NFASC: variants seen among roughly 807,000 people sequenced by gnomAD.
NFASC encodes the protein neurofascin homolog.
NFASC carries 43 observed loss-of-function variants against 147.5 expected under a neutral mutation model. The observed-to-expected ratio is 0.29, with a 90% CI of 0.23 to 0.38. The LOEUF is 0.38. NFASC is among the 10% of genes least tolerant of loss of function. The probability of loss-of-function intolerance (pLI) is 1.00; values close to 1 mark genes in which losing one functional copy is unlikely to be tolerated. For missense variants in NFASC, 1,320 were observed against 1,689.0 expected, an observed-to-expected ratio of 0.78 and a Z score of 3.83; for synonymous variants, 622 against 665.5, an observed-to-expected ratio of 0.93 and a Z score of 1.01.
chr1:204,893,920 A>G (rs763842258), intron 1 of NFASC, among the ~76,000 whole-genome samples: 1 of 152,268 alleles, frequency 6.6e-6, no homozygotes, highest in Non-Finnish European at 1.5e-5. Flanking sequence ...AACAACGCCC[A>G]GATAGCAGAG....
At chr1:204,830,424 A>G (rs1463238417) in intron 1 of NFASC, among the ~76,000 whole-genome samples, 1 of 152,066 alleles carries the variant, frequency 6.6e-6, no homozygotes, top group Non-Finnish European at 1.5e-5. Context: ...TGGTTTGGGG[A>G]TGATTGGATG....
chr1:204,843,620 C>A (rs1323258399), intron 1 of NFASC, among the ~76,000 whole-genome samples: 1 of 84,332 alleles, frequency 1.2e-5, no homozygotes, highest in African/African-American at 5.7e-5. Context: ...TCCTTCCTTC[C>A]TTCCTTCCTC....
At chr1:204,907,413 C>G (rs2149280173) in intron 1 of NFASC, among the ~76,000 whole-genome samples, 1 of 152,158 alleles carries the variant, frequency 6.6e-6, no homozygotes, top group South Asian at 2.1e-4. Context: ...TGTTTTCATC[C>G]TCTTAGTAAT....
chr1:204,962,278 A>C, intron 8 of NFASC: 3 of 829,360 alleles, frequency 3.6e-6, no homozygotes, highest in Non-Finnish European at 6.1e-6. Context: ...CAGGGTGCCA[A>C]GGTGACACCT....
At chr1:204,903,547 C>T (rs2085125173) in intron 1 of NFASC, among the ~76,000 whole-genome samples, 1 of 152,178 alleles carries the variant, frequency 6.6e-6, no homozygotes, top group Non-Finnish European at 1.5e-5. Context: ...GTGATCTTTC[C>T]CAAGACTATT....
intron 27 of NFASC, among the ~76,000 whole-genome samples, chr1:205,004,678 C>T (rs1031662023): frequency 1.6e-4 from 24 of 152,244 alleles, no homozygotes; most frequent in African/African-American, 5.8e-4. Context: ...AGAGCCAAGT[C>T]CATGCAATCC....
intron 1 of NFASC, among the ~76,000 whole-genome samples, chr1:204,842,735 C>A (rs1571930758): frequency 1.3e-5 from 2 of 152,228 alleles, no homozygotes. Flanking sequence ...CAGCATGAAG[C>A]CTAGTGGGCT....
intron 2 of NFASC, among the ~76,000 whole-genome samples, chr1:204,929,680 C>T (rs2092149174): frequency 6.6e-6 from 1 of 152,034 alleles, no homozygotes; most frequent in Non-Finnish European, 1.5e-5. Flanking sequence ...AATTCTGTGG[C>T]AGGTGCTCCC....
At chr1:204,942,661 A>G (rs141358832) in intron 2 of NFASC, among the ~76,000 whole-genome samples, 180 of 75,834 alleles carry the variant, frequency 2.4e-3, no homozygotes, top group African/African-American at 4.7e-3. Context: ...CACAGGGGGG[A>G]AAAGTGGACC....
intron 1 of NFASC, among the ~76,000 whole-genome samples, chr1:204,895,714 C>A (rs987574101): frequency 6.6e-6 from 1 of 152,140 alleles, no homozygotes; most frequent in Non-Finnish European, 1.5e-5. Flanking sequence ...GATATTGTAA[C>A]CTTGAGGCAT....
intron 1 of NFASC, among the ~76,000 whole-genome samples, chr1:204,893,485 G>A (rs1301918694): frequency 1.3e-5 from 2 of 152,186 alleles, no homozygotes; most frequent in South Asian, 4.1e-4. Context: ...TTGAAGTACA[G>A]AGAAAGGAAA....
At chr1:204,956,528 C>CT (rs2094440005) in intron 7 of NFASC, among the ~76,000 whole-genome samples, 1 of 152,192 alleles carries the variant, frequency 6.6e-6, no homozygotes, top group Admixed American at 6.5e-5. Flanking sequence ...GCACTGGGTT[C>CT]TTTTTTGCAG....
intron 16 of NFASC, 82 bp downstream of exon 16, chr1:204,976,877 C>T (rs777101706): frequency 9.7e-5 from 149 of 1,543,944 alleles, no homozygotes; most frequent in Non-Finnish European, 1.3e-4. Flanking sequence ...GGGGCAGTTC[C>T]GAGGGCAGTG....
In NFASC at chr1:204,974,730, A is replaced by C; in HGVS notation, c.1465A>C (p.Lys489Gln). 1 of 1,613,986 alleles carries C rather than the reference A, an allele frequency of 6.2e-7. No individual in the cohort carries two copies. The highest frequency in any genetic ancestry group is 8.5e-7 in the Non-Finnish European group (1 of 1,179,974). ...TTATGAGAACGGCAGTCTGGAAATT[A>C]AGATGATCCGCAAAGAGGACCAGGG... ...HVYENGSLEIKMIRKEDQGIY... is the reference protein window; with the variant it reads ...HVYENGSLEIQMIRKEDQGIY... Residue 489 changes from lysine (K) to glutamine (Q), a missense_variant, in exon 14 of 30, where the codon AAG becomes CAG. Lys to Gln is a moderately conservative substitution (Grantham distance 53, BLOSUM62 1). Around this residue, in one of 3 missense-constraint regions of NFASC, gnomAD observed 981 missense variants for 1,289.5 expected, o/e 0.76. Transcript: ENST00000339876.
intron 1 of NFASC, among the ~76,000 whole-genome samples, chr1:204,872,099 A>G (rs2103023222): frequency 6.6e-6 from 1 of 152,364 alleles, no homozygotes; most frequent in Admixed American, 6.5e-5. Flanking sequence ...TAGGGCCAGA[A>G]CAAACTGATG....
chr1:204,953,049 G>A (rs1328565779), intron 5 of NFASC, among the ~76,000 whole-genome samples: 1 of 152,230 alleles, frequency 6.6e-6, no homozygotes, highest in East Asian at 1.9e-4. Context: ...TGCTTCTGAG[G>A]TTTGGTCTTT....
At chr1:204,838,831 G>T (rs1674503754) in intron 1 of NFASC, among the ~76,000 whole-genome samples, 2 of 152,172 alleles carry the variant, frequency 1.3e-5, no homozygotes, top group Admixed American at 1.3e-4. Flanking sequence ...TTTCTGTTTT[G>T]TTTTTGTTTT....
At chr1:204,942,393 G>A (rs1259857528) in intron 2 of NFASC, among the ~76,000 whole-genome samples, 3 of 152,174 alleles carry the variant, frequency 2.0e-5, no homozygotes, top group African/African-American at 7.2e-5. Flanking sequence ...AGGATGCAAG[G>A]GAGAGATGAG....
intron 1 of NFASC, among the ~76,000 whole-genome samples, chr1:204,912,272 A>G (rs933459884): frequency 3.3e-5 from 5 of 151,926 alleles, no homozygotes; most frequent in South Asian, 2.1e-4. Context: ...GTGTGGATTT[A>G]TAAACTTCCC....
Sources: gnomAD v4.1 joint callset for allele counts (sites outside exome capture counted in the v4.1 genomes callset) on GRCh38, gnomAD v4.1.1 for gene constraint, gnomAD v4.1.1 regional missense constraint, MANE v1.5 for transcripts, NCBI Gene and HGNC (gene_info 2026-07-23, HGNC 2026-07-21) for gene names.